The following ADCY9 variants were observed in gnomAD, a reference collection of about 807,000 sequenced individuals.
ADCY9 encodes adenylate cyclase 9, also known as adenylate cyclase type 9.
In ADCY9, 50 loss-of-function variants were observed where a neutral mutation model predicts 101.5. The observed-to-expected ratio is 0.49, with a 90% CI of 0.39 to 0.62. The LOEUF is 0.62. ADCY9 is among the 20% of genes least tolerant of loss of function. The pLI is 0.00. For missense variants in ADCY9, 1,662 were observed against 1,800.4 expected (o/e 0.92, Z 1.39); for synonymous variants, 905 against 769.3 (o/e 1.18, Z -2.92).
At chr16:4,078,393 T>A (rs1001821008) in intron 2 of ADCY9, among the ~76,000 whole-genome samples, 1 of 151,714 alleles carries the variant, frequency 6.6e-6, no homozygotes, top group Non-Finnish European at 1.5e-5. Context: ...GAGACCTCCA[T>A]CTCTACAAAA....
intron 2 of ADCY9, among the ~76,000 whole-genome samples, chr16:4,071,319 G>A (rs534710795): frequency 8.5e-5 from 7 of 82,104 alleles, no homozygotes; most frequent in South Asian, 3.6e-4. Flanking sequence ...CAACAAAAGC[G>A]AAACTCAGTC....
downstream of ADCY9, among the ~76,000 whole-genome samples, chr16:3,958,664 CGTCG>C (rs530214918): frequency 1.7e-4 from 19 of 115,014 alleles, no homozygotes; most frequent in East Asian, 5.0e-3. Flanking sequence ...GAATCTTTCT[CGTCG>C]GTTACTTTTT....
chr16:3,996,151 A>G (rs893434664), intron 3 of ADCY9, among the ~76,000 whole-genome samples: 1 of 152,186 alleles, frequency 6.6e-6, no homozygotes, highest in Non-Finnish European at 1.5e-5. Context: ...GCTTAGGGCC[A>G]GGAGTTCAAG....
chr16:4,007,964 C>A (rs1307926879), intron 2 of ADCY9, among the ~76,000 whole-genome samples: 1 of 152,136 alleles, frequency 6.6e-6, no homozygotes. Context: ...ACCTTCCTAA[C>A]GGTCAGTCTA....
chr16:4,047,227 G>C (rs184640337), intron 2 of ADCY9, among the ~76,000 whole-genome samples: 77 of 152,110 alleles, frequency 5.1e-4, no homozygotes, highest in Non-Finnish European at 7.5e-4. Flanking sequence ...ATGACAGCAT[G>C]GAGCCATTTT....
In ADCY9 at chr16:3,993,500, G is replaced by A. The variant is rs148220141; in HGVS notation, c.1895C>T (p.Ser632Leu). Residue 632 changes from serine to leucine, a missense_variant, in exon 4 of 11, where the codon TCG becomes TTG. Physicochemically the swap from Ser to Leu is moderately radical, Grantham distance 145 (BLOSUM62 -2). Around this residue, in one of 5 missense-constraint regions of ADCY9, gnomAD observed 624 missense variants for 639.1 expected, o/e 0.98. Coordinates refer to ENST00000294016, the MANE Select transcript of ADCY9 (RefSeq NM_001116.4). Reference protein sequence around the residue: ...KTFDNLKTCPSCGITFAPKSE... With the variant: ...KTFDNLKTCPLCGITFAPKSE... ...TTTGGGAGCAAATGTGATTCCGCAC[G>A]AAGGGCAGGTCTAGAAGAAAAACAC... 2.9e-5 allele frequency: 47 copies of A among 1,614,046 alleles called. No individual in the cohort carries two copies. In the African/African-American group the frequency reaches 3.3e-4, roughly 11 times the overall value.
In ADCY9 at chr16:3,977,445, C is replaced by A. The variant is rs116089419; in HGVS notation, c.2828+37G>T. ...TACGCAACCTCGGGCAAGGTGGCCA[C>A]GCACCCTGGTGCCCGCAAGCAGTGC... On this transcript the variant is annotated intron_variant, in intron 9 of 10. Coordinates refer to ENST00000294016, the MANE Select transcript of ADCY9 (RefSeq NM_001116.4). 1,505 of 1,537,664 alleles carry A rather than the reference C, an allele frequency of 9.8e-4. 11 individuals carry two copies. The African/African-American group carries it at 0.019, about 19-fold the overall frequency.
intron 2 of ADCY9, among the ~76,000 whole-genome samples, chr16:4,024,980 G>A (rs1474591301): frequency 6.6e-6 from 1 of 152,090 alleles, no homozygotes; most frequent in African/African-American, 2.4e-5. Flanking sequence ...GAAGACAGCA[G>A]GTGGGGAGGC....
intron 6 of ADCY9, among the ~76,000 whole-genome samples, chr16:3,985,457 G>A (rs191823396): frequency 7.9e-5 from 12 of 152,254 alleles, no homozygotes; most frequent in Non-Finnish European, 1.8e-4. Context: ...TTTCAGGGGC[G>A]ACACTGCCCA....
At chr16:4,105,907 T>C (rs1324060254) in intron 2 of ADCY9, among the ~76,000 whole-genome samples, 2 of 151,044 alleles carry the variant, frequency 1.3e-5, no homozygotes, top group Non-Finnish European at 3.0e-5. Flanking sequence ...GGAAGGCATA[T>C]AAGCTAGGTG....
At position 3,993,654 on chromosome 16, in the gene ADCY9, C is replaced by A; in HGVS notation, c.1885-144G>T. On this transcript the variant is annotated intron_variant, in intron 3 of 10. Coordinates refer to ENST00000294016, the MANE Select transcript of ADCY9 (RefSeq NM_001116.4). ...GCACACAGAACCGCTCGGGGATGAG[C>A]TGAAAGCCAACGGGCAAAGTGACAG... The A allele has an allele frequency of 8.7e-6, 9 of 1,036,964 alleles. No homozygotes were observed. In the South Asian group the frequency reaches 1.2e-4, roughly 14 times the overall value. The allele number at this position is 1,036,964 out of a possible 1,614,324, so 64.2% of individuals were successfully genotyped here. A position where few individuals can be genotyped will look rare whatever the true frequency, so the allele number is the denominator to read the frequency against.
In ADCY9 at chr16:3,962,674, A is replaced by G. The variant is rs1391888160; in HGVS notation, c.*3101T>C. 1 of 152,252 alleles carries G rather than the reference A, an allele frequency of 6.6e-6. No individual in the cohort carries two copies. Among genetic ancestry groups the G allele is most frequent in the East Asian group, 1.9e-4 (1 of 5,204 alleles). 9.4% of individuals were successfully genotyped at this position (152,252 alleles called of 1,614,324 possible). On this transcript the variant is annotated 3_prime_UTR_variant, in exon 11 of 11. Coordinates refer to ENST00000294016, the MANE Select transcript of ADCY9 (RefSeq NM_001116.4). ...TATATTTAAATTTTAGAATATTTTAATGTCCATTTCTTCAGTGAATGCATT... is the reference window on the plus strand; with the variant it reads ...TATATTTAAATTTTAGAATATTTTAGTGTCCATTTCTTCAGTGAATGCATT...
At chr16:4,079,356 G>C (rs10775351) in intron 2 of ADCY9, among the ~76,000 whole-genome samples, 47,201 of 152,028 alleles carry the variant, frequency 0.31, 7,891 homozygotes, top group South Asian at 0.42. Context: ...ATCACCTGAG[G>C]TCAGGAGTTG....
chr16:3,977,181 G>A (rs2056099088), intron 9 of ADCY9, among the ~76,000 whole-genome samples: 1 of 152,176 alleles, frequency 6.6e-6, no homozygotes, highest in Non-Finnish European at 1.5e-5. Context: ...TTAGATTCCA[G>A]CCCATTCATC....
In ADCY9 at chr16:4,043,158, G is replaced by A. The variant is rs960817943; in HGVS notation, c.1694-35600C>T. ...AGGCAGGAGAATGGCGTGAACCCGG[G>A]AGGCGGAGCTTGCAGTGAGCCCAGA... is the stretch of plus-strand genomic sequence containing the variant. On this transcript the variant is annotated intron_variant, in intron 2 of 10. Transcript: ENST00000294016. Among the ~76,000 whole-genome samples the A allele has an allele frequency of 5.9e-5, 9 of 152,228 alleles. No individual in the cohort carries two copies. In the East Asian group the frequency reaches 1.4e-3, roughly 23 times the overall value.
chr16:3,959,639 C>A (rs1409823729), downstream of ADCY9, among the ~76,000 whole-genome samples: 1 of 152,160 alleles, frequency 6.6e-6, no homozygotes, highest in Non-Finnish European at 1.5e-5. Flanking sequence ...ATTCAACTAA[C>A]ATATTTGTGT....
At chr16:4,034,914 A>G (rs188345631) in intron 2 of ADCY9, among the ~76,000 whole-genome samples, 178 of 152,268 alleles carry the variant, frequency 1.2e-3, no homozygotes, top group African/African-American at 3.9e-3. Flanking sequence ...AGGAGAAGAC[A>G]CTCACCGCAT....
chr16:4,038,963 A>T (rs1435949497), intron 2 of ADCY9, among the ~76,000 whole-genome samples: 1 of 151,666 alleles, frequency 6.6e-6, no homozygotes, highest in Non-Finnish European at 1.5e-5. Context: ...TTGCTCTGAA[A>T]CTCGTAATGC....
intron 2 of ADCY9, among the ~76,000 whole-genome samples, chr16:4,099,489 T>C (rs573079634): frequency 6.6e-6 from 1 of 152,288 alleles, no homozygotes; most frequent in East Asian, 1.9e-4. Flanking sequence ...TGAATAAACA[T>C]ATCAGACAAA....
Sources: gnomAD v4.1 joint callset for allele counts (sites outside exome capture counted in the v4.1 genomes callset) on GRCh38, gnomAD v4.1.1 for gene constraint, gnomAD v4.1.1 regional missense constraint, MANE v1.5 for transcripts, NCBI Gene and HGNC (gene_info 2026-07-23, HGNC 2026-07-21) for gene names.